The following PHACTR1 variants were observed in gnomAD, a reference collection of about 807,000 sequenced individuals.
The protein encoded by PHACTR1 is RPEL repeat containing 1.
PHACTR1 carries 16 observed loss-of-function variants against 69.2 expected under a neutral mutation model. The ratio of observed to expected loss-of-function variants is 0.23; its 90% CI spans 0.16 to 0.35. The LOEUF is 0.35. PHACTR1 is among the 10% of genes least tolerant of loss of function. PHACTR1 has a pLI of 1.00. For missense variants in PHACTR1, 510 were observed against 734.7 expected, an observed-to-expected ratio of 0.69 and a Z score of 3.54; for synonymous variants, 312 against 284.5, an observed-to-expected ratio of 1.10 and a Z score of -0.97.
At chr6:13,144,982 A>G (rs1823109048) in intron 5 of PHACTR1, among the ~76,000 whole-genome samples, 1 of 152,220 alleles carries the variant, frequency 6.6e-6, no homozygotes, top group Non-Finnish European at 1.5e-5. Context: ...AAACATATAT[A>G]AACATCTAAT....
intron 4 of PHACTR1, among the ~76,000 whole-genome samples, chr6:12,998,311 G>A (rs902149718): frequency 1.3e-5 from 2 of 152,096 alleles, no homozygotes; most frequent in African/African-American, 4.8e-5. Context: ...TCATAGAAAA[G>A]AATTTATTTA....
At chr6:13,170,843 C>T (rs1243196979) in intron 6 of PHACTR1, among the ~76,000 whole-genome samples, 2 of 152,142 alleles carry the variant, frequency 1.3e-5, no homozygotes, top group African/African-American at 4.8e-5. Context: ...TTCATTTGAT[C>T]CCTTCTCACT....
chr6:12,951,071 G>A (rs556777142), intron 4 of PHACTR1, among the ~76,000 whole-genome samples: 1 of 152,294 alleles, frequency 6.6e-6, no homozygotes, highest in South Asian at 2.1e-4. Context: ...TATAGATTTT[G>A]TGCTGAGCTG....
chr6:13,028,680 G>C (rs1353107369), intron 4 of PHACTR1, among the ~76,000 whole-genome samples: 1 of 152,152 alleles, frequency 6.6e-6, no homozygotes, highest in Non-Finnish European at 1.5e-5. Flanking sequence ...AGCATGCCTG[G>C]ACTCTACCCA....
At chr6:12,865,397 T>C (rs899998105) in intron 4 of PHACTR1, among the ~76,000 whole-genome samples, 1 of 152,220 alleles carries the variant, frequency 6.6e-6, no homozygotes, top group African/African-American at 2.4e-5. Context: ...TCATACCTGC[T>C]GCCTTCTGTC....
At chr6:13,059,309 G>A (rs1184005902) in intron 5 of PHACTR1, among the ~76,000 whole-genome samples, 1 of 152,040 alleles carries the variant, frequency 6.6e-6, no homozygotes, top group Non-Finnish European at 1.5e-5. Context: ...GGGGGAAATG[G>A]GAAGTTGTTT....
intron 8 of PHACTR1, among the ~76,000 whole-genome samples, chr6:13,222,739 C>G (rs1347639544): frequency 6.6e-6 from 1 of 152,184 alleles, no homozygotes; most frequent in Non-Finnish European, 1.5e-5. Context: ...ATTGTTTTGG[C>G]TGTCACAGTT....
chr6:13,052,478 A>G (rs1156694954), intron 4 of PHACTR1, among the ~76,000 whole-genome samples: 1 of 152,148 alleles, frequency 6.6e-6, no homozygotes, highest in Non-Finnish European at 1.5e-5. Flanking sequence ...TTTGCCAAAG[A>G]GCTTAGTTTC....
At chr6:13,037,451 A>G (rs564471770) in intron 4 of PHACTR1, among the ~76,000 whole-genome samples, 1 of 152,308 alleles carries the variant, frequency 6.6e-6, no homozygotes, top group Admixed American at 6.5e-5. Context: ...GGGTTATATT[A>G]AAAAGGAAGA....
chr6:12,793,776 T>A (rs1321160856), intron 4 of PHACTR1, among the ~76,000 whole-genome samples: 1 of 152,224 alleles, frequency 6.6e-6, no homozygotes, highest in Admixed American at 6.5e-5. Flanking sequence ...AATAGACTCA[T>A]GTTTCTGTTT....
intron 8 of PHACTR1, among the ~76,000 whole-genome samples, chr6:13,208,725 A>T (rs2113893611): frequency 6.6e-6 from 1 of 151,486 alleles, no homozygotes; most frequent in East Asian, 2.0e-4. Context: ...GCATGTTAAT[A>T]GTATATTGCT....
intron 4 of PHACTR1, among the ~76,000 whole-genome samples, chr6:12,825,295 A>G (rs1409030328): frequency 2.0e-5 from 3 of 151,908 alleles, no homozygotes; most frequent in Non-Finnish European, 4.4e-5. Context: ...CCTGGGCAAC[A>G]GAACAAAACC....
intron 5 of PHACTR1, among the ~76,000 whole-genome samples, chr6:13,086,572 A>G (rs906642871): frequency 5.3e-5 from 8 of 152,172 alleles, no homozygotes; most frequent in Non-Finnish European, 1.2e-4. Context: ...AGAATGTGGT[A>G]AGAATGGAAT....
chr6:13,013,753 C>T (rs1182859132), intron 4 of PHACTR1, among the ~76,000 whole-genome samples: 2 of 149,848 alleles, frequency 1.3e-5, no homozygotes, highest in Non-Finnish European at 3.0e-5. Context: ...CCTCCCCGAC[C>T]CGCCCCGCCG....
At chr6:13,186,954 G>A (rs1452155498) in intron 7 of PHACTR1, among the ~76,000 whole-genome samples, 1 of 152,182 alleles carries the variant, frequency 6.6e-6, no homozygotes, top group East Asian at 1.9e-4. Flanking sequence ...TCTAAGGGTG[G>A]TGGGAGACAG....
At chr6:12,794,868 C>A (rs1772775226) in intron 4 of PHACTR1, among the ~76,000 whole-genome samples, 1 of 151,994 alleles carries the variant, frequency 6.6e-6, no homozygotes, top group Admixed American at 6.6e-5. Flanking sequence ...GAGGCAGGGG[C>A]CAGATGACAG....
At chr6:13,226,074 C>T (rs1250107391) in intron 8 of PHACTR1, among the ~76,000 whole-genome samples, 1 of 152,210 alleles carries the variant, frequency 6.6e-6, no homozygotes, top group Non-Finnish European at 1.5e-5. Context: ...CAACGTAAAC[C>T]ACTAATGTGA....
intron 6 of PHACTR1, among the ~76,000 whole-genome samples, chr6:13,163,274 A>G (rs1232201414): frequency 6.6e-6 from 1 of 152,204 alleles, no homozygotes; most frequent in Non-Finnish European, 1.5e-5. Flanking sequence ...AAATCTGTAC[A>G]TACATACATA....
chr6:13,065,010 T>C (rs1053107190), intron 5 of PHACTR1, among the ~76,000 whole-genome samples: 1 of 152,144 alleles, frequency 6.6e-6, no homozygotes, highest in Admixed American at 6.6e-5. Flanking sequence ...TAACTTTTCC[T>C]CCACATTGTA....
Sources: gnomAD v4.1 joint callset for allele counts (sites outside exome capture counted in the v4.1 genomes callset) on GRCh38, gnomAD v4.1.1 for gene constraint, MANE v1.5 for transcripts, NCBI Gene and HGNC (gene_info 2026-07-23, HGNC 2026-07-21) for gene names.